Variants in PARS2 observed in about 807,000 individuals in gnomAD.
PARS2 encodes probable proline--tRNA ligase, mitochondrial.
PARS2 carries 20 observed loss-of-function variants against 27.4 expected under a neutral mutation model. The observed-to-expected ratio is 0.73, with a 90% CI of 0.51 to 1.06. PARS2 has a LOEUF of 1.06. Among genes scored for constraint, PARS2 ranks in the 50% least tolerant of loss-of-function variants. The pLI is 0.00. For synonymous variants in PARS2, 240 were observed against 247.1 expected (o/e 0.97, Z 0.27); for missense variants, 585 against 602.1 (o/e 0.97, Z 0.30).
chr1:54,760,001 CTCAAAGAAAAAAAAA>C (rs1295696778), intron 1 of PARS2, among the ~76,000 whole-genome samples: 1 of 151,286 alleles, frequency 6.6e-6, no homozygotes, highest in Non-Finnish European at 1.5e-5. Flanking sequence ...GAGACTCTGT[CTCAAAGAAAAAAAAA>C]AAGGAAAAGA....
At position 54,759,049 on chromosome 1, in the gene PARS2, C is replaced by A; in HGVS notation, c.113G>T (p.Arg38Leu). The part of the protein sequence containing the change: ...RFHHCAPRRG[R>L]RLLLSRVFQP... ...GAACACACGAGACAGCAGCAGGCGCCGCCCTCTTCTTGGGGCACAGTGGTG... is the reference window on the plus strand; with the variant it reads ...GAACACACGAGACAGCAGCAGGCGCAGCCCTCTTCTTGGGGCACAGTGGTG... Residue 38 changes from arginine (R) to leucine (L), a missense_variant, in exon 2 of 2, where the codon CGG (arginine) becomes CTG (leucine). Physicochemically the swap from Arg to Leu is moderately radical, Grantham distance 102. Coordinates refer to ENST00000371279, the MANE Select transcript of PARS2 (RefSeq NM_152268.4). 1 of 1,614,060 alleles carries A rather than the reference C, an allele frequency of 6.2e-7. No individual in the cohort carries two copies.
intron 1 of PARS2, 21 bp from the exon 2 acceptor site, chr1:54,759,211 T>C (rs1022863034): frequency 7.0e-7 from 1 of 1,432,898 alleles, no homozygotes; most frequent in Non-Finnish European, 9.5e-7. Context: ...ATGAGTTGTG[T>C]GAGAATGAGC....
intron 1 of PARS2, among the ~76,000 whole-genome samples, chr1:54,763,604 C>A (rs1003327380): frequency 6.6e-6 from 1 of 152,186 alleles, no homozygotes. Context: ...TGTCCTCAGA[C>A]CCCTCAGCTT....
In PARS2 at chr1:54,757,929, G is replaced by A. The variant is rs774824926; in HGVS notation, c.1233C>T (p.Asp411=). Residue 411 remains aspartate (D), a synonymous_variant, in exon 2 of 2, where the codon GAC becomes GAT. Transcript: ENST00000371279. ...TTCCGATGGTCAGATGGGTCCTGTCGTCCAGGAGCACCTCCCCGTGAAGCT... is the reference window on the plus strand; with the variant it reads ...TTCCGATGGTCAGATGGGTCCTGTCATCCAGGAGCACCTCCCCGTGAAGCT... ...VPQLHGEVLL[D]DRTHLTIGNR... 14 of 1,614,040 alleles carry A rather than the reference G, an allele frequency of 8.7e-6. No homozygotes were observed. Among genetic ancestry groups the A allele is most frequent in the African/African-American group, 6.7e-5 (5 of 74,938 alleles).
At chr1:54,762,603 G>A (rs12728012) in intron 1 of PARS2, among the ~76,000 whole-genome samples, 2 of 152,102 alleles carry the variant, frequency 1.3e-5, no homozygotes, top group African/African-American at 4.8e-5. Context: ...GTCTAGCTGT[G>A]TACCACCAAT....
Position 54,759,730 on chromosome 1 carries a change from G to A in PARS2, c.-29-540C>T, listed in dbSNP as rs114037744. 8.3e-3 allele frequency among the ~76,000 whole-genome samples: 1,260 copies of A among 152,276 alleles called. 26 individuals are homozygous for A. The highest frequency in any genetic ancestry group is 0.029 in the African/African-American group (1,215 of 41,532). On this transcript the variant is annotated intron_variant, in intron 1 of 1. Transcript: ENST00000371279. Reference sequence around the variant, plus strand: ...AAAACAAAAAAGAAAAGAAGGCTGGGCATGGTGGCTTATGTCTGTGATTCC... The same window carrying A: ...AAAACAAAAAAGAAAAGAAGGCTGGACATGGTGGCTTATGTCTGTGATTCC...
In PARS2 at chr1:54,757,495, A is replaced by C. The variant is rs74467041; in HGVS notation, c.*239T>G. The C allele has an allele frequency of 0.016, 6,471 of 409,680 alleles. 386 individuals are homozygous for C. The highest frequency in any genetic ancestry group is 0.13 in the East Asian group (3,293 of 24,470). The allele number at this position is 409,680 out of a possible 1,614,324, so 25.4% of individuals were successfully genotyped here. A position where few individuals can be genotyped will look rare whatever the true frequency, so the allele number is the denominator to read the frequency against. On this transcript the variant is annotated 3_prime_UTR_variant, in exon 2 of 2. Transcript: ENST00000371279. ...GCCTCCTAGAAGCTTCCACAATGGA[A>C]TACAAAAGGAAAGGTATATGGCGGC...
At chr1:54,762,872 T>A (rs956118292) in intron 1 of PARS2, among the ~76,000 whole-genome samples, 1 of 152,156 alleles carries the variant, frequency 6.6e-6, no homozygotes, top group African/African-American at 2.4e-5. Flanking sequence ...GCTCAATACA[T>A]GTTCTATCAA....
chr1:54,761,158 T>G (rs1646154629), intron 1 of PARS2, among the ~76,000 whole-genome samples: 1 of 152,186 alleles, frequency 6.6e-6, no homozygotes, highest in African/African-American at 2.4e-5. Context: ...AGCCGTCCTC[T>G]AGGCCTCAGG....
chr1:54,763,636 G>C (rs1169062250), intron 1 of PARS2, among the ~76,000 whole-genome samples: 1 of 152,174 alleles, frequency 6.6e-6, no homozygotes, highest in Non-Finnish European at 1.5e-5. Context: ...AGAATAAGTA[G>C]AATTATCTCA....
At chr1:54,760,778 C>G (rs920482550) in intron 1 of PARS2, among the ~76,000 whole-genome samples, 7 of 152,020 alleles carry the variant, frequency 4.6e-5, no homozygotes, top group Non-Finnish European at 8.8e-5. Context: ...CTTTGCCACG[C>G]CCACTCTTTT....
intron 1 of PARS2, among the ~76,000 whole-genome samples, chr1:54,760,363 C>T (rs1646148909): frequency 6.6e-6 from 1 of 152,220 alleles, no homozygotes; most frequent in African/African-American, 2.4e-5. Context: ...TTGCACTTTG[C>T]CCAAACCAGA....
In PARS2 at chr1:54,763,713, A is replaced by T. The variant is rs114090506; in HGVS notation, c.-30+748T>A. Among the ~76,000 whole-genome samples, 1,294 of 152,300 alleles carry T rather than the reference A, an allele frequency of 8.5e-3. 29 individuals are homozygous for T. The highest frequency in any genetic ancestry group is 0.03 in the African/African-American group (1,246 of 41,550). On this transcript the variant is annotated intron_variant, in intron 1 of 1. Transcript: ENST00000371279. The stretch of plus-strand genomic sequence containing the variant: ...CAGGCTCTGGCAAACAGCCTCTGAG[A>T]CATTCAGTCGATTTTTTTGAGTACC...
chr1:54,764,317 T>A (rs1418138239), intron 1 of PARS2, 144 bp downstream of exon 1: 3 of 152,182 alleles, frequency 2.0e-5, no homozygotes, highest in African/African-American at 7.2e-5. Flanking sequence ...TTTATGGGAT[T>A]CTCGCCCGCC....
At chr1:54,760,168 C>T (rs1315613830) in intron 1 of PARS2, among the ~76,000 whole-genome samples, 1 of 152,094 alleles carries the variant, frequency 6.6e-6, no homozygotes, top group East Asian at 1.9e-4. Flanking sequence ...GGCCTCTTCC[C>T]TCTTTACAGC....
Position 54,758,456 on chromosome 1 carries a change from T to C in PARS2, c.706A>G (p.Lys236Glu), listed in dbSNP as rs1301028412. 9 of 1,613,962 alleles carry C rather than the reference T, an allele frequency of 5.6e-6. No homozygotes were observed. In the South Asian group the frequency reaches 6.6e-5, roughly 12 times the overall value. Residue 236 changes from lysine to glutamate, a missense_variant, in exon 2 of 2, where the codon AAG becomes GAG. By Grantham distance (56) the Lys-to-Glu change is moderately conservative. Coordinates refer to ENST00000371279, the MANE Select transcript of PARS2 (RefSeq NM_152268.4). The stretch of plus-strand genomic sequence containing the variant: ...ACCTTGACAAATGGCAGCCCTAGCT[T>C]GTTGAACAGGCTGCAGTAGGCATCA... ...VCDAYCSLFN[K>E]LGLPFVKVQA... is the part of the protein sequence containing the mutation.
Position 54,758,643 on chromosome 1 carries a change from G to C in PARS2, c.519C>G (p.Ser173=), listed in dbSNP as rs762025468. ...ACAGCAGGAAGGGAAGCTGCTTGTA[G>C]GACAGTTTCTTCTGGGAGGCAATTA... ...TALIASQKKL[S]YKQLPFLLYQ... Residue 173 remains serine, a synonymous_variant, in exon 2 of 2, where the codon TCC becomes TCG. Transcript: ENST00000371279. 4 of 1,614,086 alleles carry C rather than the reference G, an allele frequency of 2.5e-6. No individual in the cohort carries two copies.
Position 54,758,632 on chromosome 1 carries a change from A to G in PARS2, c.530T>C (p.Leu177Pro). The G allele has an allele frequency of 6.2e-7, 1 of 1,614,212 alleles. No individual in the cohort carries two copies. Residue 177 changes from leucine to proline, a missense_variant, in exon 2 of 2, where the codon CTT becomes CCT. Transcript: ENST00000371279. Reference sequence around the variant, plus strand: ...TGTCACTTGGTACAGCAGGAAGGGAAGCTGCTTGTAGGACAGTTTCTTCTG... The same window carrying G: ...TGTCACTTGGTACAGCAGGAAGGGAGGCTGCTTGTAGGACAGTTTCTTCTG... Reference protein sequence around the residue: ...ASQKKLSYKQLPFLLYQVTRK... With the variant: ...ASQKKLSYKQPPFLLYQVTRK...
intron 1 of PARS2, among the ~76,000 whole-genome samples, chr1:54,760,715 C>T (rs908425884): frequency 6.6e-6 from 1 of 152,218 alleles, no homozygotes; most frequent in Non-Finnish European, 1.5e-5. Flanking sequence ...CACAGCCCCA[C>T]ATAAGCTGAC....
Sources: allele counts gnomAD v4.1 joint callset (sites outside exome capture counted in the v4.1 genomes callset), GRCh38; gene constraint gnomAD v4.1.1; transcripts MANE v1.5; gene names NCBI Gene and HGNC (gene_info 2026-07-23, HGNC 2026-07-21).